The following LRRC28 variants were observed in gnomAD, a reference collection of about 807,000 sequenced individuals.
The protein encoded by LRRC28 is leucine-rich repeat-containing protein 28.
A neutral mutation model predicts 45.7 loss-of-function variants in LRRC28; 39 were observed. That is an observed-to-expected ratio of 0.85 (90% CI 0.66 to 1.12). The LOEUF (loss-of-function observed/expected upper bound fraction) is 1.12. Ranked by LOEUF, LRRC28 falls within the 50% of genes most tolerant of loss-of-function variation. The pLI is 0.00. For synonymous variants in LRRC28, 206 were observed against 178.8 expected, an observed-to-expected ratio of 1.15 and a Z score of -1.22; for missense variants, 435 against 438.5, an observed-to-expected ratio of 0.99 and a Z score of 0.07.
chr15:99,256,636 C>T (rs927994140), intron 2 of LRRC28, among the ~76,000 whole-genome samples: 2 of 152,134 alleles, frequency 1.3e-5, no homozygotes, highest in Non-Finnish European at 2.9e-5. Context: ...TTTATGATTG[C>T]CCTGTGAAAC....
intron 2 of LRRC28, 82 bp downstream of exon 2, chr15:99,256,207 C>T (rs1481530168): frequency 1.7e-5 from 18 of 1,085,208 alleles, no homozygotes; most frequent in Non-Finnish European, 2.3e-5. Context: ...CTAAGGTATT[C>T]AGACCAAGAC....
chr15:99,328,683 G>T (rs1956062924), intron 5 of LRRC28, among the ~76,000 whole-genome samples: 1 of 148,254 alleles, frequency 6.7e-6, no homozygotes, highest in Middle Eastern at 3.2e-3. Flanking sequence ...CCTCATTACT[G>T]GTGGGCACTA....
intron 5 of LRRC28, among the ~76,000 whole-genome samples, chr15:99,301,823 CAT>C (rs914871989): frequency 6.6e-6 from 1 of 152,042 alleles, no homozygotes; most frequent in African/African-American, 2.4e-5. Flanking sequence ...AAATCAGAAA[CAT>C]ATGTAAAATT....
chr15:99,292,488 C>A (rs1481170971), intron 5 of LRRC28, among the ~76,000 whole-genome samples: 1 of 151,440 alleles, frequency 6.6e-6, no homozygotes, highest in Non-Finnish European at 1.5e-5. Context: ...CCTCAGCCTC[C>A]CGAGTAGCTG....
At position 99,283,352 on chromosome 15, in the gene LRRC28, G is replaced by A. The variant is rs533087497; in HGVS notation, c.210-3905G>A. On this transcript the variant is annotated intron_variant, in intron 3 of 9. Transcript: ENST00000301981. Reference sequence around the variant, plus strand: ...GTACAGGCCAGGCATGGTGGCTCATGCCTGTAATCCCAGCACTTTGGGAGG... The same window carrying A: ...GTACAGGCCAGGCATGGTGGCTCATACCTGTAATCCCAGCACTTTGGGAGG... Among the ~76,000 whole-genome samples, 151 of 150,194 alleles carry A rather than the reference G, an allele frequency of 1.0e-3. 5 individuals are homozygous for A. The South Asian group carries it at 0.03, about 30-fold the overall frequency.
At position 99,287,901 on chromosome 15, in the gene LRRC28, C is replaced by T. The variant is rs768258161; in HGVS notation, c.335C>T (p.Ala112Val). The T allele has an allele frequency of 8.7e-6, 14 of 1,613,846 alleles. No individual in the cohort carries two copies. In the South Asian group the frequency reaches 1.4e-4, roughly 16 times the overall value. ...IVCPEIGRLR[A>V]LRHLRLANNQ... is the part of the protein sequence containing the mutation. ...TGCCCAGAAATTGGTCGTCTGAGAG[C>T]TTTACGTCATCTTCGATTAGCTAAT... is the stretch of plus-strand genomic sequence containing the variant. The change falls in exon 5 of 10, where the codon GCT (alanine) becomes GTT (valine). Residue 112 changes from alanine (A) to valine (V), a missense_variant. Coordinates refer to ENST00000301981, the MANE Select transcript of LRRC28 (RefSeq NM_144598.5).
Position 99,292,202 on chromosome 15 carries a change from C to T in LRRC28, c.385+4251C>T, listed in dbSNP as rs139387343. On this transcript the variant is annotated intron_variant, in intron 5 of 9. Coordinates refer to ENST00000301981, the MANE Select transcript of LRRC28 (RefSeq NM_144598.5). ...GTTTCTCTTGGCTTTTCTGTTACTG[C>T]CTATCCTCCAGGTTTTCCCTTGCTG... Among the ~76,000 whole-genome samples the T allele has an allele frequency of 6.9e-4, 105 of 152,270 alleles. No homozygotes were observed. In the East Asian group the frequency reaches 0.019, roughly 28 times the overall value.
intron 6 of LRRC28, among the ~76,000 whole-genome samples, chr15:99,349,156 TCTA>T (rs1422298472): frequency 5.9e-5 from 9 of 152,188 alleles, no homozygotes; most frequent in Non-Finnish European, 1.2e-4. Context: ...ATTTGTATGT[TCTA>T]CTAGTTTTTT....
At chr15:99,268,690 G>A (rs1183251585) in intron 2 of LRRC28, among the ~76,000 whole-genome samples, 1 of 152,008 alleles carries the variant, frequency 6.6e-6, no homozygotes, top group Non-Finnish European at 1.5e-5. Context: ...AAACAGTTAT[G>A]TCATAAACTT....
At chr15:99,353,967 A>C (rs548993235) in intron 7 of LRRC28, 43 of 152,348 alleles carry the variant, frequency 2.8e-4, no homozygotes, top group African/African-American at 9.6e-4. Context: ...TTTTAAAAAA[A>C]CAAAACACTA....
At chr15:99,352,871 T>G (rs2152316962) in intron 7 of LRRC28, among the ~76,000 whole-genome samples, 1 of 152,286 alleles carries the variant, frequency 6.6e-6, no homozygotes, top group African/African-American at 2.4e-5. Flanking sequence ...TTTAGAAGGT[T>G]TTCTTTCACT....
intron 5 of LRRC28, among the ~76,000 whole-genome samples, chr15:99,309,621 C>A (rs1398338912): frequency 6.6e-6 from 1 of 152,110 alleles, no homozygotes; most frequent in African/African-American, 2.4e-5. Context: ...GTTGGCCAGG[C>A]TGGTCTTGAA....
chr15:99,361,219 C>G lies in LRRC28; in HGVS notation c.696-117C>G, dbSNP rs183820819. ...GCATCTGTTCACTTTGAAAAGAATT[C>G]TGGCAATTCAGCAGTGTCATAAATT... On this transcript the variant is annotated intron_variant, in intron 7 of 9. Coordinates refer to ENST00000301981, the MANE Select transcript of LRRC28 (RefSeq NM_144598.5). The G allele has an allele frequency of 1.0e-4, 128 of 1,236,312 alleles. 1 individual carries two copies. The highest frequency in any genetic ancestry group is 7.4e-4 in the Admixed American group (26 of 35,208). 76.6% of individuals were successfully genotyped at this position (1,236,312 alleles called of 1,614,324 possible). A position where few individuals can be genotyped will look rare whatever the true frequency, so the allele number is the denominator to read the frequency against.
At chr15:99,283,894 C>G (rs1246724980) in intron 3 of LRRC28, among the ~76,000 whole-genome samples, 1 of 152,098 alleles carries the variant, frequency 6.6e-6, no homozygotes, top group African/African-American at 2.4e-5. Context: ...AAGGAAGTGA[C>G]TTAAATTTGA....
At chr15:99,309,000 C>G (rs1249741703) in intron 5 of LRRC28, among the ~76,000 whole-genome samples, 2 of 152,100 alleles carry the variant, frequency 1.3e-5, no homozygotes, top group Non-Finnish European at 2.9e-5. Context: ...TCTGTATTAT[C>G]ACTCCCTTCT....
chr15:99,294,123 A>G (rs1359001950), intron 5 of LRRC28, among the ~76,000 whole-genome samples: 3 of 151,978 alleles, frequency 2.0e-5, no homozygotes, highest in African/African-American at 7.3e-5. Flanking sequence ...TTTTATCTTT[A>G]TCTTTGGTAT....
intron 6 of LRRC28, among the ~76,000 whole-genome samples, chr15:99,344,001 G>A (rs1956603323): frequency 6.6e-6 from 1 of 152,120 alleles, no homozygotes; most frequent in South Asian, 2.1e-4. Context: ...GCCCGGCGCT[G>A]CGGTGTCCTG....
intron 6 of LRRC28, among the ~76,000 whole-genome samples, chr15:99,351,555 G>T (rs1226261765): frequency 6.6e-6 from 1 of 152,090 alleles, no homozygotes; most frequent in African/African-American, 2.4e-5. Context: ...TCACGGGACT[G>T]GGATTTGGGT....
chr15:99,299,531 A>G (rs891698254), intron 5 of LRRC28, among the ~76,000 whole-genome samples: 2 of 152,232 alleles, frequency 1.3e-5, no homozygotes, highest in African/African-American at 4.8e-5. Context: ...TTATTTGAAC[A>G]TGCTGTTGCT....
Sources: allele counts gnomAD v4.1 joint callset (sites outside exome capture counted in the v4.1 genomes callset), GRCh38; gene constraint gnomAD v4.1.1; transcripts MANE v1.5; gene names NCBI Gene and HGNC (gene_info 2026-07-23, HGNC 2026-07-21).